ZBTB38: variants seen among roughly 807,000 people sequenced by gnomAD.
ZBTB38 encodes the protein zinc finger and BTB domain containing 38, also known as zinc finger and BTB domain-containing protein 38.
In ZBTB38, 20 loss-of-function variants were observed where a neutral mutation model predicts 76.8. The observed-to-expected ratio is 0.26, with a 90% CI of 0.18 to 0.38. The LOEUF is 0.38. ZBTB38 is among the 10% of genes least tolerant of loss of function. The probability of loss-of-function intolerance (pLI) is 1.00; values close to 1 mark genes in which losing one functional copy is unlikely to be tolerated. For missense variants in ZBTB38, 1,082 were observed against 1,482.3 expected (o/e 0.73, Z 4.43); for synonymous variants, 504 against 544.2 (o/e 0.93, Z 1.03).
intron 1 of ZBTB38, among the ~76,000 whole-genome samples, chr3:141,334,899 G>A (rs948199336): frequency 1.3e-5 from 2 of 152,306 alleles, no homozygotes; most frequent in Middle Eastern, 3.4e-3. Flanking sequence ...TAATCTTTCA[G>A]ATCATCTTTC....
intron 1 of ZBTB38, among the ~76,000 whole-genome samples, chr3:141,344,586 C>G (rs1379048182): frequency 6.6e-6 from 1 of 152,134 alleles, no homozygotes; most frequent in East Asian, 1.9e-4. Flanking sequence ...GTTTCCCAGG[C>G]TGATCTCAAA....
intron 1 of ZBTB38, among the ~76,000 whole-genome samples, chr3:141,358,270 T>C (rs1416733884): frequency 6.6e-6 from 1 of 152,108 alleles, no homozygotes; most frequent in Non-Finnish European, 1.5e-5. Flanking sequence ...CAGAGGCAAG[T>C]TAAATTTTGA....
At chr3:141,401,902 GA>G (rs1019879382) in intron 4 of ZBTB38, among the ~76,000 whole-genome samples, 1 of 152,152 alleles carries the variant, frequency 6.6e-6, no homozygotes, top group Admixed American at 6.5e-5. Flanking sequence ...GACGGCCATG[GA>G]AAAAACACAG....
At chr3:141,431,341 A>AAAAAAAAAAAAAAAAAAAAATAT in intron 5 of ZBTB38, among the ~76,000 whole-genome samples, 1 of 103,296 alleles carries the variant, frequency 9.7e-6, no homozygotes, top group African/African-American at 6.0e-5. Flanking sequence ...AAAAAAAAAA[A>AAAAAAAAAAAAAAAAAAAAATAT]ATATATATAT....
At chr3:141,349,846 C>G (rs1461064763) in intron 1 of ZBTB38, among the ~76,000 whole-genome samples, 4 of 151,948 alleles carry the variant, frequency 2.6e-5, no homozygotes, top group African/African-American at 9.7e-5. Flanking sequence ...GTTGGCACCC[C>G]TGAGAAATTT....
intron 5 of ZBTB38, among the ~76,000 whole-genome samples, chr3:141,421,215 A>G (rs941662272): frequency 5.3e-5 from 8 of 151,788 alleles, no homozygotes; most frequent in Non-Finnish European, 1.0e-4. Flanking sequence ...GGGTCCTAGC[A>G]TCTGCCATTT....
At chr3:141,333,921 CT>C (rs1428253216) in intron 1 of ZBTB38, among the ~76,000 whole-genome samples, 1 of 152,174 alleles carries the variant, frequency 6.6e-6, no homozygotes, top group Non-Finnish European at 1.5e-5. Flanking sequence ...AATTTTTCAG[CT>C]TTGACAACAT....
At chr3:141,353,097 T>G (rs550653580) in intron 1 of ZBTB38, among the ~76,000 whole-genome samples, 77 of 151,978 alleles carry the variant, frequency 5.1e-4, no homozygotes, top group Non-Finnish European at 1.0e-3. Flanking sequence ...ACAGCAAAAC[T>G]TCCTCCAGAC....
In ZBTB38 at chr3:141,448,195, A is replaced by C. The variant is rs1285282750; in HGVS notation, c.*2219A>C. 1 of 152,616 alleles carries C rather than the reference A, an allele frequency of 6.6e-6. No homozygotes were observed. The highest frequency in any genetic ancestry group is 1.5e-5 in the Non-Finnish European group (1 of 68,012). The allele number at this position is 152,616 out of a possible 1,614,324, so 9.5% of individuals were successfully genotyped here. On this transcript the variant is annotated 3_prime_UTR_variant, in exon 6 of 6. Coordinates refer to ENST00000321464, the MANE Select transcript of ZBTB38 (RefSeq NM_001376113.1). ...TAGTGATGTCTCTCTCCCAGCCCTT[A>C]TATGTGGATATTTTTTAAGTGGACT...
intron 5 of ZBTB38, among the ~76,000 whole-genome samples, chr3:141,431,356 T>C (rs1159062196): frequency 7.9e-6 from 1 of 126,596 alleles, no homozygotes; most frequent in South Asian, 2.3e-4. Context: ...ATATATATAT[T>C]TGGGGGGGAC....
chr3:141,336,720 C>T (rs1051681483), intron 1 of ZBTB38, among the ~76,000 whole-genome samples: 7 of 152,154 alleles, frequency 4.6e-5, no homozygotes, highest in African/African-American at 9.7e-5. Context: ...GGGCCACGGT[C>T]GGCCTCTGGG....
At chr3:141,331,533 T>C (rs911011918) in intron 1 of ZBTB38, among the ~76,000 whole-genome samples, 3 of 152,198 alleles carry the variant, frequency 2.0e-5, no homozygotes, top group South Asian at 2.1e-4. Context: ...TGTGTTTGGG[T>C]TGTTTTTTGT....
chr3:141,340,958 G>GAAAAGAAAAGAAAAGA (rs759769152), intron 1 of ZBTB38, among the ~76,000 whole-genome samples: 89 of 62,348 alleles, frequency 1.4e-3, no homozygotes, highest in Middle Eastern at 0.013. Context: ...AGGAAAGAAA[G>GAAAAGAAAAGAAAAGA]AAAGAAAGAA....
At chr3:141,373,052 C>G (rs2149051720) in intron 2 of ZBTB38, among the ~76,000 whole-genome samples, 1 of 152,312 alleles carries the variant, frequency 6.6e-6, no homozygotes, top group Admixed American at 6.5e-5. Flanking sequence ...CAGAATTTCA[C>G]TACTGTCAAC....
In ZBTB38 at chr3:141,416,081, T is replaced by C. The variant is rs139354914; in HGVS notation, c.-1+12050T>C. On this transcript the variant is annotated intron_variant, in intron 5 of 5. Transcript: ENST00000321464. ...TGTAGCTGAACTTCTTTAATGTTCATGGCTGAGGGCATTGCCTGCTCCTGA... is the reference window on the plus strand; with the variant it reads ...TGTAGCTGAACTTCTTTAATGTTCACGGCTGAGGGCATTGCCTGCTCCTGA... Among the ~76,000 whole-genome samples the C allele has an allele frequency of 4.3e-3, 660 of 152,278 alleles. 10 individuals are homozygous for C. Among genetic ancestry groups the C allele is most frequent in the African/African-American group, 0.015 (637 of 41,546 alleles).
At chr3:141,350,318 T>G (rs1576663617) in intron 1 of ZBTB38, among the ~76,000 whole-genome samples, 1 of 152,230 alleles carries the variant, frequency 6.6e-6, no homozygotes, top group Non-Finnish European at 1.5e-5. Flanking sequence ...ATGGTGACCA[T>G]GAAAAATATT....
intron 5 of ZBTB38, among the ~76,000 whole-genome samples, chr3:141,421,276 CTCT>C (rs2075301540): frequency 6.9e-6 from 1 of 144,950 alleles, no homozygotes; most frequent in Non-Finnish European, 1.5e-5. Flanking sequence ...AGAAACTTCT[CTCT>C]TTTTTTTTTT....
Position 141,443,544 on chromosome 3 carries a change from T to C in ZBTB38, c.1156T>C (p.Leu386=), listed in dbSNP as rs1373805563. 6.2e-7 allele frequency: 1 copy of C among 1,614,142 alleles called. No homozygotes were observed. Among genetic ancestry groups the C allele is most frequent in the Non-Finnish European group, 8.5e-7 (1 of 1,180,030 alleles). ...CAAACAATTCACCACCCTGAACAGG[T>C]TGGATCGGCATGAACAGATCTGCAT... ...CNKQFTTLNR[L]DRHEQICMRS... is the part of the protein sequence containing the mutation. Residue 386 remains leucine, a synonymous_variant, in exon 6 of 6, where the codon TTG becomes CTG. Transcript: ENST00000321464. The surrounding 1 kb of genome is among the most constrained non-coding windows in gnomAD (Gnocchi z 5.6).
chr3:141,372,653 C>CAA (rs1296129222), intron 2 of ZBTB38, among the ~76,000 whole-genome samples: 1 of 104,330 alleles, frequency 9.6e-6, no homozygotes, highest in Non-Finnish European at 2.0e-5. Context: ...ACTCCATCTC[C>CAA]AAAAAAAAAA....
Sources: allele counts gnomAD v4.1 joint callset (sites outside exome capture counted in the v4.1 genomes callset), GRCh38; gene constraint gnomAD v4.1.1; non-coding constraint Gnocchi (gnomAD v3.1); transcripts MANE v1.5; gene names NCBI Gene and HGNC (gene_info 2026-07-23, HGNC 2026-07-21).